The following DSTYK variants were observed in gnomAD, a reference collection of about 807,000 sequenced individuals.
DSTYK encodes the protein dual serine/threonine and tyrosine protein kinase.
DSTYK carries 34 observed loss-of-function variants against 98.7 expected under a neutral mutation model. The observed-to-expected ratio is 0.34, with a 90% CI of 0.26 to 0.46. DSTYK has a LOEUF of 0.46. DSTYK is among the 20% of genes least tolerant of loss of function. The pLI is 1.00. For synonymous variants in DSTYK, 462 were observed against 457.3 expected, an observed-to-expected ratio of 1.01 and a Z score of -0.13; for missense variants, 962 against 1,181.7, an observed-to-expected ratio of 0.81 and a Z score of 2.73.
At chr1:205,166,402 A>T (rs1203054036) in intron 3 of DSTYK, among the ~76,000 whole-genome samples, 2 of 151,800 alleles carry the variant, frequency 1.3e-5, no homozygotes, top group Non-Finnish European at 2.9e-5. Context: ...CTGTAATCCT[A>T]GCACTTTGTG....
At chr1:205,149,780 A>T (rs1043539919) in intron 11 of DSTYK, among the ~76,000 whole-genome samples, 2 of 152,170 alleles carry the variant, frequency 1.3e-5, no homozygotes, top group Non-Finnish European at 1.5e-5. Context: ...CTTCTGTGGG[A>T]ATTTCAAACT....
chr1:205,190,946 G>A (rs10900467), intron 1 of DSTYK, among the ~76,000 whole-genome samples: 73,581 of 152,034 alleles, frequency 0.48, 21,057 homozygotes, highest in Non-Finnish European at 0.63. Context: ...CAGGACGAGA[G>A]GGAGAGAGCC....
chr1:205,181,656 T>TTGTGTGTGTG (rs35775611), intron 2 of DSTYK, among the ~76,000 whole-genome samples: 47 of 142,644 alleles, frequency 3.3e-4, no homozygotes, highest in African/African-American at 9.8e-4. Flanking sequence ...ATGTTGGGGT[T>TTGTGTGTGTG]TGTGTGTGTG....
intron 1 of DSTYK, 135 bp from the exon 2 acceptor site, chr1:205,187,941 G>A (rs1043479779): frequency 2.3e-6 from 2 of 853,876 alleles, no homozygotes; most frequent in South Asian, 3.8e-5. Flanking sequence ...AGGAACCTTG[G>A]TTGAAGGACA....
intron 2 of DSTYK, among the ~76,000 whole-genome samples, chr1:205,176,057 C>T (rs1327093742): frequency 2.0e-5 from 3 of 152,154 alleles, no homozygotes; most frequent in African/African-American, 7.2e-5. Context: ...ATGACAATAA[C>T]CCATAATTCC....
At chr1:205,185,173 C>T (rs1222522872) in intron 2 of DSTYK, among the ~76,000 whole-genome samples, 3 of 152,012 alleles carry the variant, frequency 2.0e-5, no homozygotes, top group Non-Finnish European at 1.5e-5. Context: ...TGTACTCCAG[C>T]CTGGGCCACA....
Position 205,187,720 on chromosome 1 carries a change from C to T in DSTYK, c.352G>A (p.Gly118Ser), listed in dbSNP as rs976476529. 1 of 1,614,158 alleles carries T rather than the reference C, an allele frequency of 6.2e-7. No homozygotes were observed. The highest frequency in any genetic ancestry group is 8.5e-7 in the Non-Finnish European group (1 of 1,180,034). ...TGGCACTTGACGTTACAATCCTGGC[C>T]GAGGATCAGTATGCAAGGGAGGCAG... ...VDCLPCILILGQDCNVKCQLL... is the reference protein window; with the variant it reads ...VDCLPCILILSQDCNVKCQLL... The change falls in exon 2 of 13, where the codon GGC (glycine) becomes AGC (serine). Residue 118 changes from glycine to serine, a missense_variant. Transcript: ENST00000367162.
chr1:205,161,840 A>G (rs1432483107), intron 6 of DSTYK, among the ~76,000 whole-genome samples, 196 bp downstream of exon 6: 1 of 152,212 alleles, frequency 6.6e-6, no homozygotes, highest in African/African-American at 2.4e-5. Context: ...AAAACTTCCT[A>G]TAACAATCTA....
chr1:205,174,511 TC>T (rs202024927), intron 2 of DSTYK, among the ~76,000 whole-genome samples: 22,645 of 86,890 alleles, frequency 0.26, 3,205 homozygotes, highest in East Asian at 0.62. Flanking sequence ...AGACTCCGTC[TC>T]CAAAAAAAAA....
Position 205,147,764 on chromosome 1 carries a change from A to G in DSTYK, c.2603-19T>C. On this transcript the variant is annotated intron_variant, in intron 12 of 12. Transcript: ENST00000367162. Reference sequence around the variant, plus strand: ...CGAGCCCCTAGAGAAAGGAGCATGGAAACAAGATCACAGTGAGAGGGACCC... The same window carrying G: ...CGAGCCCCTAGAGAAAGGAGCATGGGAACAAGATCACAGTGAGAGGGACCC... The G allele has an allele frequency of 1.2e-6, 2 of 1,609,028 alleles. No individual in the cohort carries two copies. The highest frequency in any genetic ancestry group is 1.7e-6 in the Non-Finnish European group (2 of 1,175,794).
Position 205,178,426 on chromosome 1 carries a change from C to A in DSTYK, c.655-8594G>T, listed in dbSNP as rs112656489. Among the ~76,000 whole-genome samples the A allele has an allele frequency of 8.6e-3, 1,306 of 151,962 alleles. 23 individuals are homozygous for A. Among genetic ancestry groups the A allele is most frequent in the African/African-American group, 0.03 (1,251 of 41,436 alleles). On this transcript the variant is annotated intron_variant, in intron 2 of 12. Transcript: ENST00000367162. ...CTGAATTTTATTCTCTTGCCACTTA[C>A]TAGATTGAGAGAGAGAGACAAAATA... is the stretch of plus-strand genomic sequence containing the variant.
chr1:205,185,725 T>C (rs1658541718), intron 2 of DSTYK, among the ~76,000 whole-genome samples: 1 of 152,150 alleles, frequency 6.6e-6, no homozygotes, highest in Non-Finnish European at 1.5e-5. Flanking sequence ...TTACAGTGAA[T>C]TAAAATATAA....
At chr1:205,198,451 G>A (rs1166965354) in intron 1 of DSTYK, among the ~76,000 whole-genome samples, 2 of 152,004 alleles carry the variant, frequency 1.3e-5, no homozygotes, top group Non-Finnish European at 2.9e-5. Flanking sequence ...TTCCTCAGTG[G>A]GGTTCTTATA....
At chr1:205,157,875 C>G (rs1055090529) in intron 9 of DSTYK, among the ~76,000 whole-genome samples, 3 of 152,066 alleles carry the variant, frequency 2.0e-5, no homozygotes, top group Non-Finnish European at 4.4e-5. Flanking sequence ...CCCTTGCAGG[C>G]TGCAGTTAAG....
chr1:205,163,286 C>T (rs1343401115), intron 4 of DSTYK, among the ~76,000 whole-genome samples: 1 of 151,846 alleles, frequency 6.6e-6, no homozygotes, highest in Non-Finnish European at 1.5e-5. Flanking sequence ...ATGGCGTGAT[C>T]TTGGCTCACC....
At chr1:205,156,300 C>A (rs909382147) in intron 10 of DSTYK, among the ~76,000 whole-genome samples, 1 of 152,176 alleles carries the variant, frequency 6.6e-6, no homozygotes, top group African/African-American at 2.4e-5. Context: ...ACACAACTTG[C>A]ACCGTGTGCC....
intron 12 of DSTYK, 44 bp downstream of exon 12, chr1:205,148,161 G>C: frequency 6.2e-7 from 1 of 1,612,198 alleles, no homozygotes; most frequent in East Asian, 2.2e-5. Flanking sequence ...CTCAGTCTGC[G>C]CTAGCCAGGG....
At chr1:205,149,820 T>C (rs372102382) in intron 11 of DSTYK, among the ~76,000 whole-genome samples, 1 of 152,240 alleles carries the variant, frequency 6.6e-6, no homozygotes, top group African/African-American at 2.4e-5. Flanking sequence ...CCTTGTTTGC[T>C]ACTATTCCCC....
chr1:205,147,876 T>C, intron 12 of DSTYK, 131 bp from the exon 13 acceptor site: 1 of 876,614 alleles, frequency 1.1e-6, no homozygotes, highest in Non-Finnish European at 1.8e-6. Context: ...TTGACTTCGA[T>C]TGCAAACATC....
Sources: allele counts gnomAD v4.1 joint callset (sites outside exome capture counted in the v4.1 genomes callset), GRCh38; gene constraint gnomAD v4.1.1; transcripts MANE v1.5; gene names NCBI Gene and HGNC (gene_info 2026-07-23, HGNC 2026-07-21).